TMEM120A: variants seen among roughly 807,000 people sequenced by gnomAD.
TMEM120A encodes ion channel TACAN.
TMEM120A carries 45 observed loss-of-function variants against 54.3 expected under a neutral mutation model. The ratio of observed to expected loss-of-function variants is 0.83; its 90% confidence interval spans 0.65 to 1.06. TMEM120A has a LOEUF of 1.06. Among genes scored for constraint, TMEM120A ranks in the 50% least tolerant of loss-of-function variants. The pLI, the probability that TMEM120A is intolerant of heterozygous loss-of-function variation, is 0.00. For synonymous variants in TMEM120A, 204 were observed against 178.5 expected (o/e 1.14, Z -1.14); for missense variants, 424 against 441.7 (o/e 0.96, Z 0.36).
chr7:75,992,480 C>A lies in TMEM120A; in HGVS notation c.159G>T (p.Arg53=). The A allele has an allele frequency of 6.3e-7, 1 of 1,598,278 alleles. No individual in the cohort carries two copies. The highest frequency in any genetic ancestry group is 8.5e-7 in the Non-Finnish European group (1 of 1,172,698). ...LQNNCTSSIT[R]QKKRLQELAL... The stretch of plus-strand genomic sequence containing the variant: ...CCAGCTCCTGGAGCCGCTTCTTCTG[C>A]CGCGTGATGGAGCTGGTGCAATTGT... Residue 53 remains arginine (R), a synonymous_variant, in exon 2 of 12, where the codon CGG becomes CGT. Coordinates refer to ENST00000493111, the MANE Select transcript of TMEM120A (RefSeq NM_031925.3).
Position 75,988,115 on chromosome 7 carries a change from C to T in TMEM120A, c.597G>A (p.Val199=). Reference sequence around the variant, plus strand: ...GCATGACTCCCGACAGGAAGGTGGACACGTAGTGATGGAACACCCACCAGC... The same window carrying T: ...GCATGACTCCCGACAGGAAGGTGGATACGTAGTGATGGAACACCCACCAGC... ...IKGWWVFHHY[V]STFLSGVMLT... The change falls in exon 7 of 12, where the codon GTG becomes GTA. Residue 199 remains valine, a synonymous_variant. Transcript: ENST00000493111. The T allele has an allele frequency of 6.2e-7, 1 of 1,609,838 alleles. No homozygotes were observed. The highest frequency in any genetic ancestry group is 1.7e-5 in the Admixed American group (1 of 59,572).
At position 75,988,522 on chromosome 7, in the gene TMEM120A, GGGC is replaced by G; in HGVS notation, c.378-9_378-7del. The stretch of plus-strand genomic sequence containing the variant: ...ACTCGTCCTTGTAGGCAAACCTGGG[GGGC>G]GCAGGCCGGTGAGACGGGTGGGGTG... On this transcript the variant is annotated splice_region_variant and splice_polypyrimidine_tract_variant and intron_variant, in intron 4 of 11. Transcript: ENST00000493111. The G allele has an allele frequency of 6.2e-7, 1 of 1,602,000 alleles. No homozygotes were observed. Among genetic ancestry groups the G allele is most frequent in the Non-Finnish European group, 8.5e-7 (1 of 1,176,414 alleles).
Position 75,987,712 on chromosome 7 carries a change from A to G in TMEM120A, c.784+6T>C, listed in dbSNP as rs782710001. On this transcript the variant is annotated splice_donor_region_variant and intron_variant, in intron 9 of 11. Coordinates refer to ENST00000493111, the MANE Select transcript of TMEM120A (RefSeq NM_031925.3). ...TGTCCAGATGCCAGGGCCACTCCCG[A>G]CTCACCCACAGTGAGGTCCATGGTG... is the stretch of plus-strand genomic sequence containing the variant. 6.2e-7 allele frequency: 1 copy of G among 1,611,968 alleles called. No individual in the cohort carries two copies. Among genetic ancestry groups the G allele is most frequent in the South Asian group, 1.1e-5 (1 of 90,966 alleles).
intron 11 of TMEM120A, 36 bp downstream of exon 11, chr7:75,987,324 G>A: frequency 6.4e-7 from 1 of 1,566,838 alleles, no homozygotes; most frequent in Non-Finnish European, 8.6e-7. Context: ...CATGGGCCTG[G>A]CCCCCCATCC....
chr7:75,992,465 G>GAGCCGCTTCTTC lies in TMEM120A; in HGVS notation c.162_173dup (p.Lys55_Leu58dup), dbSNP rs1554562068. ...TCTTCAGGGCGAGGGCCAGCTCCTGGAGCCGCTTCTTCTGCCGCGTGATGG... is the reference window on the plus strand; with the variant it reads ...TCTTCAGGGCGAGGGCCAGCTCCTGGAGCCGCTTCTTCAGCCGCTTCTTCTGCCGCGTGATGG... On this transcript the variant is annotated inframe_insertion, in exon 2 of 12. Coordinates refer to ENST00000493111, the MANE Select transcript of TMEM120A (RefSeq NM_031925.3). The GAGCCGCTTCTTC allele has an allele frequency of 6.3e-7, 1 of 1,596,354 alleles. No homozygotes were observed. Among genetic ancestry groups the GAGCCGCTTCTTC allele is most frequent in the Non-Finnish European group, 8.5e-7 (1 of 1,171,792 alleles).
In TMEM120A at chr7:75,987,547, G is replaced by A. The variant is rs1563438991; in HGVS notation, c.840C>T (p.Phe280=). 11 of 1,592,608 alleles carry A rather than the reference G, an allele frequency of 6.9e-6. No homozygotes were observed. The highest frequency in any genetic ancestry group is 2.3e-5 in the South Asian group (2 of 88,722). ...CAGAGGCACGACTTACGTGTCCAAAGAAAAGAAAAGGCAGCAGGAAGGTGA... is the reference window on the plus strand; with the variant it reads ...CAGAGGCACGACTTACGTGTCCAAAAAAAAGAAAAGGCAGCAGGAAGGTGA... ...RGLTFLLPFL[F]FGHFWQLFNA... The change falls in exon 10 of 12, where the codon TTC becomes TTT. Residue 280 remains phenylalanine, a synonymous_variant. Transcript: ENST00000493111.
intron 1 of TMEM120A, among the ~76,000 whole-genome samples, chr7:75,993,737 C>T (rs2116678102): frequency 6.6e-6 from 1 of 152,320 alleles, no homozygotes; most frequent in East Asian, 1.9e-4. Context: ...CCCCCTCGGA[C>T]CCCAGCACGT....
rs1193775361 is a variant in TMEM120A at position 75,987,755 on chromosome 7, C to T, written c.747G>A (p.Arg249=). ...YYQSGCLYRL[R]ALGERHTMDL... ...CCATGGTGTGCCGCTCGCCCAGCGC[C>T]CGCAGGCGGTAGAGGCAGCCGCTCT... The change falls in exon 9 of 12, where the codon CGG becomes CGA. Residue 249 remains arginine (R), a synonymous_variant. Coordinates refer to ENST00000493111, the MANE Select transcript of TMEM120A (RefSeq NM_031925.3). 1.2e-6 allele frequency: 2 copies of T among 1,612,250 alleles called. No homozygotes were observed. The highest frequency in any genetic ancestry group is 1.3e-5 in the African/African-American group (1 of 74,950).
intron 3 of TMEM120A, among the ~76,000 whole-genome samples, chr7:75,990,920 A>T (rs1331696143): frequency 6.8e-6 from 1 of 147,508 alleles, no homozygotes; most frequent in South Asian, 2.1e-4. Flanking sequence ...AAAAAAAAAA[A>T]GTCTCCTAGA....
rs782629688 is a variant in TMEM120A, at chr7:75,988,070, C to G, written c.629+13G>C. 3 of 1,604,586 alleles carry G rather than the reference C, an allele frequency of 1.9e-6. No homozygotes were observed. Among genetic ancestry groups the G allele is most frequent in the Non-Finnish European group, 2.6e-6 (3 of 1,176,254 alleles). On this transcript the variant is annotated intron_variant, in intron 7 of 11. Transcript: ENST00000493111. ...GTCCCAGCTCCTGCCCCTGCCGGGG[C>G]CCAGCCACTCACCACGTCAGCATGA... is the stretch of plus-strand genomic sequence containing the variant.
In TMEM120A at chr7:75,994,585, T is replaced by C. The variant is rs1554562864; in HGVS notation, c.-15A>G. The C allele has an allele frequency of 6.6e-7, 1 of 1,525,644 alleles. No homozygotes were observed. Among genetic ancestry groups the C allele is most frequent in the South Asian group, 1.2e-5 (1 of 82,654 alleles). The allele number at this position is 1,525,644 out of a possible 1,614,324, so 94.5% of individuals were successfully genotyped here. A position where few individuals can be genotyped will look rare whatever the true frequency, so the allele number is the denominator to read the frequency against. ...GGGGGCTGCATGGCTGCAGCGCCAG[T>C]AGCCAGTAGTGGAGGACGGCGCAGC... On this transcript the variant is annotated 5_prime_UTR_variant, in exon 1 of 12. Transcript: ENST00000493111.
intron 1 of TMEM120A, among the ~76,000 whole-genome samples, 188 bp downstream of exon 1, chr7:75,994,302 G>T (rs1334417330): frequency 6.6e-6 from 1 of 152,158 alleles, no homozygotes; most frequent in Non-Finnish European, 1.5e-5. Context: ...TCCCGCCGGG[G>T]TTCCCGGACA....
At chr7:75,991,874 C>G (rs1196718334) in intron 3 of TMEM120A, among the ~76,000 whole-genome samples, 1 of 152,116 alleles carries the variant, frequency 6.6e-6, no homozygotes, top group Non-Finnish European at 1.5e-5. Context: ...CTCAGCCCAC[C>G]CATCCCCTAA....
intron 3 of TMEM120A, among the ~76,000 whole-genome samples, chr7:75,990,609 G>A (rs1554561649): frequency 1.3e-5 from 2 of 152,032 alleles, no homozygotes; most frequent in South Asian, 2.1e-4. Flanking sequence ...CAGAGGGCTG[G>A]GTGCGGTGGC....
chr7:75,991,909 T>C (rs564473404), intron 3 of TMEM120A, among the ~76,000 whole-genome samples: 94 of 151,856 alleles, frequency 6.2e-4, no homozygotes, highest in African/African-American at 2.2e-3. Flanking sequence ...TGCGACCTCC[T>C]GGACTGGGTC....
intron 3 of TMEM120A, among the ~76,000 whole-genome samples, chr7:75,991,840 C>T (rs782437901): frequency 2.0e-5 from 3 of 152,282 alleles, no homozygotes; most frequent in Admixed American, 6.5e-5. Context: ...CCACCACGCC[C>T]GGCCCACTCT....
At position 75,994,483 on chromosome 7, in the gene TMEM120A, C is replaced by T; in HGVS notation, c.81+7G>A. 6.4e-7 allele frequency: 1 copy of T among 1,559,088 alleles called. No homozygotes were observed. The highest frequency in any genetic ancestry group is 1.2e-5 in the South Asian group (1 of 84,962). ...GGGGGCGACCCGGCGTCCGCAGCGGCGCTAACCTGGATGTTCTGGAAGTCC... is the reference window on the plus strand; with the variant it reads ...GGGGGCGACCCGGCGTCCGCAGCGGTGCTAACCTGGATGTTCTGGAAGTCC... On this transcript the variant is annotated splice_region_variant and intron_variant, in intron 1 of 11. Transcript: ENST00000493111.
At chr7:75,990,242 T>A (rs1414349642) in intron 3 of TMEM120A, among the ~76,000 whole-genome samples, 1 of 151,866 alleles carries the variant, frequency 6.6e-6, no homozygotes, top group East Asian at 1.9e-4. Context: ...CTACCCTGTC[T>A]CCTCCCACCT....
Position 75,988,291 on chromosome 7 carries a change from A to G in TMEM120A, c.524T>C (p.Leu175Pro), listed in dbSNP as rs782464296. The change falls in exon 6 of 12, where the codon CTG becomes CCG. Residue 175 changes from leucine (L) to proline (P), a missense_variant. Leu to Pro is a moderately conservative substitution (Grantham distance 98). Coordinates refer to ENST00000493111, the MANE Select transcript of TMEM120A (RefSeq NM_031925.3). Reference protein sequence around the residue: ...NFLLVWYYCTLTIRESILINN... With the variant: ...NFLLVWYYCTPTIRESILINN... ...GATGAGGATGCTCTCCCGGATGGTC[A>G]GGGTGCAGTAGTACCAGACCAGCAG... The G allele has an allele frequency of 6.2e-7, 1 of 1,610,118 alleles. No homozygotes were observed. Among genetic ancestry groups the G allele is most frequent in the Non-Finnish European group, 8.5e-7 (1 of 1,178,988 alleles).
Sources: allele counts gnomAD v4.1 joint callset (sites outside exome capture counted in the v4.1 genomes callset), GRCh38; gene constraint gnomAD v4.1.1; transcripts MANE v1.5; gene names NCBI Gene and HGNC (gene_info 2026-07-23, HGNC 2026-07-21).